Variants in LY6S observed in about 807,000 individuals in gnomAD.
LY6S encodes lymphocyte antigen 6S.
chr8:143,070,471 ATATAAATATATATATATATTTT>A, the LY6S span, among the ~76,000 whole-genome samples: 3 of 35,918 alleles, frequency 8.4e-5, no homozygotes, highest in Non-Finnish European at 1.7e-4. Flanking sequence ...TATAATATAT[ATATAAATATATATATATATTTT>A]TTTTTTTTTT....
chr8:143,069,286 TA>T, the LY6S span, among the ~76,000 whole-genome samples: 25 of 152,218 alleles, frequency 1.6e-4, no homozygotes, highest in Non-Finnish European at 5.9e-5. Context: ...AATGCATTTT[TA>T]AACTTGTTTC....
chr8:143,059,421 T>TTTTAGA, the LY6S span, among the ~76,000 whole-genome samples: 2 of 152,076 alleles, frequency 1.3e-5, no homozygotes, highest in South Asian at 4.1e-4. Flanking sequence ...AGACAAATAT[T>TTTTAGA]CCATTGATCC....
the LY6S span, among the ~76,000 whole-genome samples, chr8:143,045,101 C>T: frequency 5.3e-5 from 8 of 152,276 alleles, no homozygotes; most frequent in South Asian, 2.1e-4. This position sits in a 1 kb window ranked among gnomAD's most constrained non-coding sequence, Gnocchi z 5.3. Flanking sequence ...CCAGCACGCG[C>T]GGTAACAAGC....
At chr8:143,041,467 A>C in the LY6S span, among the ~76,000 whole-genome samples, 8 of 152,232 alleles carry the variant, frequency 5.3e-5, no homozygotes, top group African/African-American at 1.9e-4. Context: ...TTCTTTTTTC[A>C]AGGTACCCAG....
chr8:143,074,832 G>A, the LY6S span, among the ~76,000 whole-genome samples: 3 of 152,106 alleles, frequency 2.0e-5, no homozygotes, highest in East Asian at 1.9e-4. Context: ...GTCTCTCCCC[G>A]CAGGTAGAGC....
the LY6S span, among the ~76,000 whole-genome samples, chr8:143,045,580 C>G: frequency 4.4e-4 from 67 of 152,082 alleles, no homozygotes; most frequent in Non-Finnish European, 7.7e-4. This position sits in a 1 kb window ranked among gnomAD's most constrained non-coding sequence, Gnocchi z 5.3. Flanking sequence ...CACCCAGAGC[C>G]CCATGGCTGT....
chr8:143,057,456 G>A, the LY6S span: 6 of 596,770 alleles, frequency 1.0e-5, 1 homozygote, highest in South Asian at 4.9e-5. Flanking sequence ...CACCATATTG[G>A]CCAGGCTGGT....
chr8:143,067,582 C>T, the LY6S span, among the ~76,000 whole-genome samples: 3 of 152,184 alleles, frequency 2.0e-5, no homozygotes, highest in Non-Finnish European at 1.5e-5. Context: ...CCCAGGAGAC[C>T]GGCACTTAAC....
chr8:143,072,413 C>T, the LY6S span, among the ~76,000 whole-genome samples: 1 of 127,972 alleles, frequency 7.8e-6, no homozygotes, highest in Non-Finnish European at 1.6e-5. Context: ...CCGTCGTCCT[C>T]GTGGTCCCTG....
chr8:143,076,180 C>G, the LY6S span, among the ~76,000 whole-genome samples: 1 of 152,206 alleles, frequency 6.6e-6, no homozygotes, highest in African/African-American at 2.4e-5. Context: ...ACTGATGTCA[C>G]TAAACCCAAA....
the LY6S span, chr8:143,049,363 A>C: frequency 2.0e-6 from 1 of 499,870 alleles, no homozygotes; most frequent in Non-Finnish European, 4.1e-6. Context: ...TTAGCTGACA[A>C]TGAAAAGTGG....
At chr8:143,059,149 C>T in the LY6S span, among the ~76,000 whole-genome samples, 3 of 151,880 alleles carry the variant, frequency 2.0e-5, no homozygotes, top group Admixed American at 1.3e-4. Flanking sequence ...ATGCCTCAGC[C>T]TCCCAGAGTG....
chr8:143,066,733 G>A, the LY6S span: 1 of 154,646 alleles, frequency 6.5e-6, no homozygotes, highest in South Asian at 2.0e-4. Flanking sequence ...AGGCTCATAG[G>A]TGGAAAGAAC....
chr8:143,056,129 T>C, the LY6S span, among the ~76,000 whole-genome samples: 3 of 150,068 alleles, frequency 2.0e-5, no homozygotes, highest in Non-Finnish European at 3.0e-5. Context: ...GGGTTTCCTC[T>C]TTTTTCTTTT....
the LY6S span, chr8:143,044,550 C>A: frequency 2.4e-6 from 1 of 408,384 alleles, no homozygotes; most frequent in South Asian, 2.4e-5. Context: ...CCCCACCCCC[C>A]ACCTCAGGAG....
the LY6S span, among the ~76,000 whole-genome samples, chr8:143,070,489 A>ATTTTTTTTTT: frequency 1.1e-4 from 9 of 81,698 alleles, no homozygotes; most frequent in East Asian, 4.5e-4. Context: ...ATATATATAT[A>ATTTTTTTTTT]TTTTTTTTTT....
At chr8:143,061,826 G>T in the LY6S span, among the ~76,000 whole-genome samples, 1 of 152,224 alleles carries the variant, frequency 6.6e-6, no homozygotes, top group African/African-American at 2.4e-5. Context: ...TTACAGGTGT[G>T]AGTCACCACA....
the LY6S span, chr8:143,057,757 A>G: frequency 1.3e-6 from 1 of 786,490 alleles, no homozygotes; most frequent in African/African-American, 1.7e-5. Flanking sequence ...CGATCTGATC[A>G]GCTCTATCTA....
At chr8:143,061,568 G>A in the LY6S span, among the ~76,000 whole-genome samples, 2 of 152,284 alleles carry the variant, frequency 1.3e-5, no homozygotes, top group East Asian at 3.9e-4. Flanking sequence ...TTTTGAGAGG[G>A]AGTTTTGCTC....
Sources: allele counts gnomAD v4.1 joint callset (sites outside exome capture counted in the v4.1 genomes callset), GRCh38; gene constraint gnomAD v4.1.1; non-coding constraint Gnocchi (gnomAD v3.1); transcripts MANE v1.5; gene names NCBI Gene and HGNC (gene_info 2026-07-23, HGNC 2026-07-21).